HIPK2: variants seen among roughly 807,000 people sequenced by gnomAD.
HIPK2 encodes homeodomain-interacting protein kinase 2.
Under a neutral mutation model 113.7 loss-of-function variants are expected in HIPK2, and 27 were observed. The ratio of observed to expected loss-of-function variants is 0.24; its 90% CI spans 0.17 to 0.33. HIPK2 has a LOEUF of 0.33. HIPK2 is among the 10% of genes least tolerant of loss of function. The pLI, the probability that HIPK2 is intolerant of heterozygous loss-of-function variation, is 1.00. For missense variants in HIPK2, 1,257 were observed against 1,588.0 expected (o/e 0.79, Z 3.54); for synonymous variants, 631 against 642.2 (o/e 0.98, Z 0.26).
At chr7:139,595,163 ATTGCTT>A (rs966794798) in intron 12 of HIPK2, among the ~76,000 whole-genome samples, 1 of 152,054 alleles carries the variant, frequency 6.6e-6, no homozygotes, top group African/African-American at 2.4e-5. Context: ...CAGATTTTAA[ATTGCTT>A]TTGCTTTTTT....
rs7456421 is a variant in HIPK2 at position 139,715,976 on chromosome 7, G to C, written c.1059C>G (p.Val353=). Residue 353 remains valine, a synonymous_variant, in exon 2 of 15, where the codon GTC becomes GTG. Coordinates refer to ENST00000406875, the MANE Select transcript of HIPK2 (RefSeq NM_022740.5). ...KVIDFGSASH[V]SKAVCSTYLQ... ...AGTAGGTGGAGCACACAGCCTTGGA[G>C]ACGTGGCTGGCTGAACCAAAGTCGA... 0.23 allele frequency: 370,917 copies of C among 1,613,590 alleles called. 55,700 individuals carry two copies. Among genetic ancestry groups the C allele is most frequent in the African/African-American group, 0.72 (53,614 of 74,896 alleles).
At chr7:139,722,096 C>A in intron 1 of HIPK2, 1 of 422,302 alleles carries the variant, frequency 2.4e-6, no homozygotes, top group Non-Finnish European at 4.8e-6. Flanking sequence ...TTGTTAATTA[C>A]ACAGACACGA....
Position 139,626,637 on chromosome 7 carries a change from G to A in HIPK2, c.1583C>T (p.Thr528Ile), listed in dbSNP as rs1282903065. 1.2e-6 allele frequency: 2 copies of A among 1,613,836 alleles called. No individual in the cohort carries two copies. The highest frequency in any genetic ancestry group is 1.7e-6 in the Non-Finnish European group (2 of 1,179,892). ...GGGAAAATCGAGTAAGTGTGTCATGGTGACAAAGGGATGGTTCAGGGTTTC... is the reference window on the plus strand; with the variant it reads ...GGGAAAATCGAGTAAGTGTGTCATGATGACAAAGGGATGGTTCAGGGTTTC... ...PIETLNHPFV[T>I]MTHLLDFPHS... is the part of the protein sequence containing the mutation. The change falls in exon 6 of 15, where the codon ACC becomes ATC. Residue 528 changes from threonine to isoleucine, a missense_variant. By Grantham distance (89) the Thr-to-Ile change is moderately conservative. Coordinates refer to ENST00000406875, the MANE Select transcript of HIPK2 (RefSeq NM_022740.5).
intron 1 of HIPK2, among the ~76,000 whole-genome samples, chr7:139,772,658 G>A (rs1048669809): frequency 6.6e-6 from 1 of 152,064 alleles, no homozygotes; most frequent in African/African-American, 2.4e-5. Context: ...CACAATCTCA[G>A]CTGACTGCAA....
chr7:139,754,649 A>G (rs1200891718), intron 1 of HIPK2, among the ~76,000 whole-genome samples: 1 of 152,252 alleles, frequency 6.6e-6, no homozygotes, highest in Non-Finnish European at 1.5e-5. Context: ...AACAATAATT[A>G]GTTTGTGAAA....
Position 139,670,739 on chromosome 7 carries a change from C to T in HIPK2, c.1104-39014G>A, listed in dbSNP as rs1250665042. ...GGTTTTATTTCTTTTTCTTTTCTTT[C>T]TTTCTTTCTTTCTTTCTTTCTTTTT... On this transcript the variant is annotated intron_variant, in intron 2 of 14. Coordinates refer to ENST00000406875, the MANE Select transcript of HIPK2 (RefSeq NM_022740.5). Among the ~76,000 whole-genome samples, 4 of 75,516 alleles carry T rather than the reference C, an allele frequency of 5.3e-5. 1 individual carries two copies. Among genetic ancestry groups the T allele is most frequent in the East Asian group, 1.5e-3 (2 of 1,348 alleles). The allele number at this position is 75,516 out of a possible 152,430, so 49.5% of individuals were successfully genotyped here.
At chr7:139,574,368 CCT>C (rs1215856821) in intron 14 of HIPK2, among the ~76,000 whole-genome samples, 3 of 151,886 alleles carry the variant, frequency 2.0e-5, no homozygotes, top group Non-Finnish European at 2.9e-5. Context: ...AGAACAAGAC[CCT>C]GTCTTAAAAA....
In HIPK2 at chr7:139,752,446, C is replaced by T. The variant is rs546058342; in HGVS notation, c.19+25159G>A. Among the ~76,000 whole-genome samples the T allele has an allele frequency of 5.9e-5, 9 of 152,274 alleles. No homozygotes were observed. In the South Asian group the frequency reaches 6.2e-4, roughly 11 times the overall value. On this transcript the variant is annotated intron_variant, in intron 1 of 14. Transcript: ENST00000406875. ...TGTCTCGTGGTTTATCACTACTCAACGTGTCTGCATGTGATTTTCTCCCTC... is the reference window on the plus strand; with the variant it reads ...TGTCTCGTGGTTTATCACTACTCAATGTGTCTGCATGTGATTTTCTCCCTC...
intron 2 of HIPK2, among the ~76,000 whole-genome samples, chr7:139,652,141 G>C (rs972577554): frequency 6.6e-6 from 1 of 152,174 alleles, no homozygotes; most frequent in Non-Finnish European, 1.5e-5. Context: ...GCCAAGCACT[G>C]GATCACTGCT....
intron 2 of HIPK2, among the ~76,000 whole-genome samples, chr7:139,715,340 C>G (rs1215715450): frequency 6.6e-6 from 1 of 152,218 alleles, no homozygotes; most frequent in Admixed American, 6.5e-5. Context: ...TAGTCTCTCC[C>G]TTCCTCCAGC....
intron 7 of HIPK2, among the ~76,000 whole-genome samples, chr7:139,614,805 A>AAATTAGGC (rs1554429423): frequency 6.6e-6 from 1 of 152,234 alleles, no homozygotes; most frequent in Non-Finnish European, 1.5e-5. Flanking sequence ...AAAAGGCTAA[A>AAATTAGGC]AATTAGGCTA....
rs1366462460 is a variant in HIPK2 at position 139,775,414 on chromosome 7, A to G, written c.19+2191T>C. Among the ~76,000 whole-genome samples the G allele has an allele frequency of 2.6e-5, 4 of 152,174 alleles. No homozygotes were observed. In the East Asian group the frequency reaches 7.7e-4, roughly 29 times the overall value. ...GAGCATGTCCAACAATCTCTTTCAA[A>G]AACACCCAGATCTGGGCTTTTGGCA... On this transcript the variant is annotated intron_variant, in intron 1 of 14. Transcript: ENST00000406875.
chr7:139,658,204 G>A (rs1305273276), intron 2 of HIPK2, among the ~76,000 whole-genome samples: 1 of 152,066 alleles, frequency 6.6e-6, no homozygotes, highest in African/African-American at 2.4e-5. Flanking sequence ...TACTCAGGAG[G>A]CTGAGGCAGG....
rs1483989386 is a variant in HIPK2, at chr7:139,716,883, T to C, written c.152A>G (p.Tyr51Cys). ...CAGGGGGATGTTCTTGCTCTGGCTA[T>C]ACACTTTGCTGTGGGAGCCGTACCC... The part of the protein sequence containing the change: ...MTGYGSHSKV[Y>C]SQSKNIPLSQ... Residue 51 changes from tyrosine (Y) to cysteine (C), a missense_variant, in exon 2 of 15, where the codon TAT (tyrosine) becomes TGT (cysteine). Physicochemically the swap from Tyr to Cys is radical, Grantham distance 194. Transcript: ENST00000406875. The surrounding 1 kb of genome is among the most constrained non-coding windows in gnomAD (Gnocchi z 9.3). The C allele has an allele frequency of 1.9e-6, 3 of 1,613,944 alleles. No homozygotes were observed. The highest frequency in any genetic ancestry group is 2.2e-5 in the South Asian group (2 of 91,090).
chr7:139,703,593 C>T lies in HIPK2; in HGVS notation c.1103+12339G>A, dbSNP rs919193805. Among the ~76,000 whole-genome samples, 15 of 151,832 alleles carry T rather than the reference C, an allele frequency of 9.9e-5. No individual in the cohort carries two copies. The South Asian group carries it at 1.4e-3, about 15-fold the overall frequency. On this transcript the variant is annotated intron_variant, in intron 2 of 14. Transcript: ENST00000406875. ...ACTTCCCCAGTCATGAGAATTAGGA[C>T]GAGGAAGGAGCTCTAAATACAGAGA... is the stretch of plus-strand genomic sequence containing the variant.
In HIPK2 at chr7:139,611,638, C is replaced by T. The variant is rs144199854; in HGVS notation, c.2112+1564G>A. ...CTCACTGCAGCTTCAAACTCCTGGG[C>T]TCAAGTGATCCTTTTGCCTCAGCCT... On this transcript the variant is annotated intron_variant, in intron 9 of 14. Transcript: ENST00000406875. Among the ~76,000 whole-genome samples, 16 of 152,250 alleles carry T rather than the reference C, an allele frequency of 1.1e-4. No homozygotes were observed. In the East Asian group the frequency reaches 3.1e-3, roughly 29 times the overall value.
intron 11 of HIPK2, among the ~76,000 whole-genome samples, chr7:139,597,229 G>A (rs765377425): frequency 3.7e-4 from 57 of 152,218 alleles, no homozygotes; most frequent in Non-Finnish European, 6.3e-4. Flanking sequence ...GCAGGACAAA[G>A]GGAGCAGCCA....
chr7:139,699,227 C>G (rs1794642592), intron 2 of HIPK2, among the ~76,000 whole-genome samples: 1 of 152,100 alleles, frequency 6.6e-6, no homozygotes, highest in African/African-American at 2.4e-5. Flanking sequence ...GCAGGGAGTA[C>G]ATCTCCTGAA....
chr7:139,669,579 A>G (rs988050842), intron 2 of HIPK2, among the ~76,000 whole-genome samples: 2 of 151,806 alleles, frequency 1.3e-5, no homozygotes, highest in Non-Finnish European at 2.9e-5. Context: ...GCATGAGACC[A>G]CATAAATGCC....
Sources: gnomAD v4.1 joint callset for allele counts (sites outside exome capture counted in the v4.1 genomes callset) on GRCh38, gnomAD v4.1.1 for gene constraint, Gnocchi (gnomAD v3.1) non-coding constraint, MANE v1.5 for transcripts, NCBI Gene and HGNC (gene_info 2026-07-23, HGNC 2026-07-21) for gene names.